The following LMCD1 variants were observed in gnomAD, a reference collection of about 807,000 sequenced individuals.
LMCD1 encodes the protein LIM and cysteine-rich domains protein 1.
LMCD1 carries 32 observed loss-of-function variants against 42.7 expected under a neutral mutation model. That is an observed-to-expected ratio of 0.75 (90% CI 0.57 to 1.01). The LOEUF (loss-of-function observed/expected upper bound fraction) is 1.01, where lower values mean the gene tolerates loss of function less well. LMCD1 is among the 50% of genes least tolerant of loss of function. The pLI is 0.00. For synonymous variants in LMCD1, 178 were observed against 184.9 expected, an observed-to-expected ratio of 0.96 and a Z score of 0.30; for missense variants, 458 against 483.1, an observed-to-expected ratio of 0.95 and a Z score of 0.49.
chr3:8,537,522 A>G (rs906172510), intron 3 of LMCD1, 82 bp downstream of exon 3: 11 of 1,447,136 alleles, frequency 7.6e-6, no homozygotes, highest in South Asian at 3.0e-5. Flanking sequence ...AATTTCAAAC[A>G]TGGGGTGGCA....
rs181431568 is a variant in LMCD1 at position 8,568,420 on chromosome 3, G to A, written c.*822G>A. 6.6e-6 allele frequency: 1 copy of A among 152,336 alleles called. No individual in the cohort carries two copies. Among genetic ancestry groups the A allele is most frequent in the Non-Finnish European group, 1.5e-5 (1 of 68,046 alleles). The allele number at this position is 152,336 out of a possible 1,614,324, so 9.4% of individuals were successfully genotyped here. On this transcript the variant is annotated 3_prime_UTR_variant, in exon 6 of 6. Transcript: ENST00000157600. ...GCTGCCCTCAGAGCCCAGGAAAATA[G>A]CGAATGAACCCCTCTGGGAATAAGA...
At chr3:8,564,667 A>C (rs7610349) in intron 4 of LMCD1, among the ~76,000 whole-genome samples, 52,448 of 152,158 alleles carry the variant, frequency 0.34, 10,269 homozygotes, top group African/African-American at 0.52. Flanking sequence ...TTTAATGTAA[A>C]CAAATATGAA....
At chr3:8,508,912 A>G (rs1482220149) in intron 1 of LMCD1, among the ~76,000 whole-genome samples, 1 of 152,224 alleles carries the variant, frequency 6.6e-6, no homozygotes, top group Non-Finnish European at 1.5e-5. Flanking sequence ...CACAAGGTCC[A>G]GAAGCCACTT....
intron 2 of LMCD1, among the ~76,000 whole-genome samples, chr3:8,534,263 C>G (rs893528973): frequency 6.6e-6 from 1 of 151,738 alleles, no homozygotes; most frequent in Non-Finnish European, 1.5e-5. Flanking sequence ...ATCCTGTGCT[C>G]CCTGCTGTCC....
chr3:8,505,287 C>T (rs1434586999), intron 1 of LMCD1, among the ~76,000 whole-genome samples: 1 of 152,214 alleles, frequency 6.6e-6, no homozygotes, highest in Non-Finnish European at 1.5e-5. Context: ...ATGCTGTTGC[C>T]TTCATTCTCA....
At chr3:8,516,700 A>G (rs564435105) in intron 1 of LMCD1, among the ~76,000 whole-genome samples, 18 of 152,320 alleles carry the variant, frequency 1.2e-4, no homozygotes, top group Admixed American at 5.2e-4. Flanking sequence ...GGTCTATTCA[A>G]AGTTTTGCAG....
In LMCD1 at chr3:8,571,336, G is replaced by A. The variant is rs1695214364; in HGVS notation, c.*3738G>A. 2 of 152,150 alleles carry A rather than the reference G, an allele frequency of 1.3e-5. No individual in the cohort carries two copies. Among genetic ancestry groups the A allele is most frequent in the African/African-American group, 4.8e-5 (2 of 41,414 alleles). The allele number at this position is 152,150 out of a possible 1,614,324, so 9.4% of individuals were successfully genotyped here. On this transcript the variant is annotated 3_prime_UTR_variant, in exon 6 of 6. Transcript: ENST00000157600. ...CTAAATGAAAGAACAAACAACCTGG[G>A]GTTCTGGGATGGTTCGTCTTTGCTG...
At chr3:8,502,569 TACACACACACACACAC>T (rs5846600) in intron 1 of LMCD1, among the ~76,000 whole-genome samples, 3 of 134,352 alleles carry the variant, frequency 2.2e-5, no homozygotes, top group Non-Finnish European at 3.1e-5. Flanking sequence ...TTTCCCCCAA[TACACACACACACACAC>T]ACACACACAC....
At chr3:8,550,193 G>T in intron 4 of LMCD1, 2 of 1,257,198 alleles carry the variant, frequency 1.6e-6, no homozygotes, top group African/African-American at 3.1e-5. Flanking sequence ...AAGGCGAAAG[G>T]AATGCTTGAG....
At chr3:8,534,501 G>A (rs977405482) in intron 2 of LMCD1, among the ~76,000 whole-genome samples, 7 of 152,152 alleles carry the variant, frequency 4.6e-5, no homozygotes, top group African/African-American at 1.7e-4. Context: ...TGTCATCCTT[G>A]GTTTGAAGAA....
rs1255215081 is a variant in LMCD1 at position 8,569,805 on chromosome 3, G to A, written c.*2207G>A. ...GAGCCTAGGAGTTCGAGACCGGCCT[G>A]GGCAACATGGCAAAACTCCACCCCT... On this transcript the variant is annotated 3_prime_UTR_variant, in exon 6 of 6. Transcript: ENST00000157600. 6.6e-6 allele frequency: 1 copy of A among 152,430 alleles called. No individual in the cohort carries two copies. The highest frequency in any genetic ancestry group is 1.9e-4 in the East Asian group (1 of 5,200). The allele number at this position is 152,430 out of a possible 1,614,324, so 9.4% of individuals were successfully genotyped here. A position where few individuals can be genotyped will look rare whatever the true frequency, so the allele number is the denominator to read the frequency against.
rs1170461678 is a variant in LMCD1, at chr3:8,548,904, G to C, written c.723+1G>C. 5.3e-6 allele frequency: 8 copies of C among 1,506,446 alleles called. No individual in the cohort carries two copies. The highest frequency in any genetic ancestry group is 7.1e-6 in the Non-Finnish European group (8 of 1,124,556). The allele number at this position is 1,506,446 out of a possible 1,614,324, so 93.3% of individuals were successfully genotyped here. ...TGACCCGTCCAAAGAAGTGGAATAC[G>C]TAAGTTTCTCCCATGCTTCCAGCCA... On this transcript the variant is annotated splice_donor_variant, in intron 4 of 5. Transcript: ENST00000157600. LOFTEE classifies it high-confidence loss of function.
Position 8,572,674 on chromosome 3 carries a change from T to C in LMCD1, c.*5076T>C, listed in dbSNP as rs763658619. On this transcript the variant is annotated 3_prime_UTR_variant, in exon 6 of 6. Coordinates refer to ENST00000157600, the MANE Select transcript of LMCD1 (RefSeq NM_014583.4). ...TTGATTTCTATTTTATTAAATAGTT[T>C]ATAATTGATTACCATCCTTATTTAT... 26 of 152,350 alleles carry C rather than the reference T, an allele frequency of 1.7e-4. No homozygotes were observed. The highest frequency in any genetic ancestry group is 9.8e-4 in the Admixed American group (15 of 15,308). The allele number at this position is 152,350 out of a possible 1,614,324, so 9.4% of individuals were successfully genotyped here. A position where few individuals can be genotyped will look rare whatever the true frequency, so the allele number is the denominator to read the frequency against.
At chr3:8,548,406 TCTAA>T (rs1694777203) in intron 3 of LMCD1, among the ~76,000 whole-genome samples, 158 bp from the exon 4 acceptor site, 1 of 152,198 alleles carries the variant, frequency 6.6e-6, no homozygotes, top group Non-Finnish European at 1.5e-5. Context: ...ACAAAAGTAA[TCTAA>T]CTGCATTAAG....
chr3:8,503,656 A>G (rs1194534304), intron 1 of LMCD1, among the ~76,000 whole-genome samples: 1 of 152,200 alleles, frequency 6.6e-6, no homozygotes, highest in African/African-American at 2.4e-5. Context: ...ACTCATGAGA[A>G]TATCTGTCCA....
chr3:8,522,330 T>C (rs1694222047), intron 1 of LMCD1, among the ~76,000 whole-genome samples: 1 of 152,134 alleles, frequency 6.6e-6, no homozygotes, highest in Non-Finnish European at 1.5e-5. Context: ...CATGGTGGCT[T>C]GGAGACTGCA....
chr3:8,544,260 G>A (rs1694691544), intron 3 of LMCD1, among the ~76,000 whole-genome samples: 1 of 152,272 alleles, frequency 6.6e-6, no homozygotes, highest in African/African-American at 2.4e-5. Flanking sequence ...CTGAGGCCCA[G>A]GAGATACTTT....
chr3:8,547,158 G>A (rs369841860), intron 3 of LMCD1, among the ~76,000 whole-genome samples: 1 of 152,168 alleles, frequency 6.6e-6, no homozygotes, highest in East Asian at 1.9e-4. Context: ...TTATTAGCAA[G>A]TAGACAGCTA....
chr3:8,532,601 T>G, intron 1 of LMCD1, 136 bp from the exon 2 acceptor site: 1 of 712,218 alleles, frequency 1.4e-6, no homozygotes, highest in Non-Finnish European at 2.5e-6. Context: ...GTAAACAGTT[T>G]GTGATGGCTT....
Sources: gnomAD v4.1 joint callset for allele counts (sites outside exome capture counted in the v4.1 genomes callset) on GRCh38, gnomAD v4.1.1 for gene constraint, MANE v1.5 for transcripts, NCBI Gene and HGNC (gene_info 2026-07-23, HGNC 2026-07-21) for gene names.